The following ABTB3 variants were observed in gnomAD, a reference collection of about 807,000 sequenced individuals.
ABTB3 encodes ankyrin repeat and BTB domain containing 3.
chr12:107,369,338 C>T, the ABTB3 span, among the ~76,000 whole-genome samples: 1 of 151,412 alleles, frequency 6.6e-6, no homozygotes, highest in African/African-American at 2.4e-5. Flanking sequence ...AGAACCATTC[C>T]TTTCCCCATC....
chr12:107,640,614 AG>A, the ABTB3 span, among the ~76,000 whole-genome samples: 2 of 152,096 alleles, frequency 1.3e-5, no homozygotes, highest in African/African-American at 2.4e-5. Flanking sequence ...TAAAGGGGCC[AG>A]GGGGGCCGAG....
chr12:107,581,200 G>A, the ABTB3 span: 1 of 1,536,688 alleles, frequency 6.5e-7, no homozygotes, highest in Non-Finnish European at 8.7e-7. Context: ...GGGTGGCCGT[G>A]GCGCACGCCG....
chr12:107,408,163 T>A, the ABTB3 span, among the ~76,000 whole-genome samples: 1 of 152,120 alleles, frequency 6.6e-6, no homozygotes, highest in Non-Finnish European at 1.5e-5. Context: ...ATAGGCGTGC[T>A]CTGTGTGGCC....
the ABTB3 span, among the ~76,000 whole-genome samples, chr12:107,516,389 G>A: frequency 3.3e-5 from 5 of 151,898 alleles, no homozygotes; most frequent in South Asian, 1.0e-3. Flanking sequence ...CACCACCACA[G>A]CCAGCTAATT....
At chr12:107,514,641 A>C in the ABTB3 span, among the ~76,000 whole-genome samples, 1 of 152,172 alleles carries the variant, frequency 6.6e-6, no homozygotes, top group Non-Finnish European at 1.5e-5. Flanking sequence ...CTGACCAAGC[A>C]TATTTTTACA....
At chr12:107,637,081 A>G in the ABTB3 span, among the ~76,000 whole-genome samples, 2 of 152,158 alleles carry the variant, frequency 1.3e-5, no homozygotes, top group Admixed American at 1.3e-4. Flanking sequence ...TTGAGCATCT[A>G]CTATAATGGT....
the ABTB3 span, among the ~76,000 whole-genome samples, chr12:107,481,914 TC>T: frequency 7.0e-4 from 106 of 151,304 alleles, 1 homozygote; most frequent in African/African-American, 2.3e-3. Context: ...TCTCTCTCTC[TC>T]TCTCTCTCTC....
chr12:107,348,407 G>A, the ABTB3 span, among the ~76,000 whole-genome samples: 1 of 152,108 alleles, frequency 6.6e-6, no homozygotes, highest in African/African-American at 2.4e-5. Context: ...AGGTGCTGAG[G>A]ATGTGGTGGT....
At chr12:107,376,917 C>T in the ABTB3 span, among the ~76,000 whole-genome samples, 87 of 152,234 alleles carry the variant, frequency 5.7e-4, no homozygotes, top group Non-Finnish European at 1.2e-3. Flanking sequence ...AGCCCAGGCC[C>T]GTCTGAGTCC....
chr12:107,441,774 C>CAAAAAAAAAAAAAAAAAA, the ABTB3 span, among the ~76,000 whole-genome samples: 46 of 80,038 alleles, frequency 5.7e-4, 3 homozygotes, highest in African/African-American at 2.3e-3. Flanking sequence ...CTTGTCTCTA[C>CAAAAAAAAAAAAAAAAAA]AAAAAAAAAA....
chr12:107,571,090 G>T, the ABTB3 span, among the ~76,000 whole-genome samples: 1 of 152,186 alleles, frequency 6.6e-6, no homozygotes, highest in Non-Finnish European at 1.5e-5. Flanking sequence ...ATTATCAAAT[G>T]AGCTAACATC....
the ABTB3 span, among the ~76,000 whole-genome samples, chr12:107,380,624 A>G: frequency 1.3e-5 from 2 of 152,224 alleles, no homozygotes; most frequent in Non-Finnish European, 2.9e-5. Context: ...GAGTCATTTG[A>G]CAAATTATTT....
chr12:107,320,610 C>T, the ABTB3 span: 2 of 455,990 alleles, frequency 4.4e-6, no homozygotes, highest in African/African-American at 2.0e-5. Context: ...TGGTTGAAAG[C>T]TTGCACGGCC....
chr12:107,502,151 G>A, the ABTB3 span, among the ~76,000 whole-genome samples: 1 of 151,278 alleles, frequency 6.6e-6, no homozygotes, highest in Non-Finnish European at 1.5e-5. Context: ...TGCAACCTCT[G>A]CCTCCTGGGT....
chr12:107,623,899 G>T, the ABTB3 span, among the ~76,000 whole-genome samples: 1 of 152,162 alleles, frequency 6.6e-6, no homozygotes, highest in African/African-American at 2.4e-5. Context: ...GGCTGATGAG[G>T]TCTAACTTAG....
the ABTB3 span, among the ~76,000 whole-genome samples, chr12:107,436,959 C>T: frequency 5.9e-5 from 9 of 152,154 alleles, no homozygotes; most frequent in South Asian, 2.1e-4. Context: ...CATCCCCCCC[C>T]GCCGCACCTG....
At chr12:107,366,973 G>A in the ABTB3 span, among the ~76,000 whole-genome samples, 4 of 152,160 alleles carry the variant, frequency 2.6e-5, 1 homozygote, top group Admixed American at 2.6e-4. Flanking sequence ...ACTTGGCTGT[G>A]CCTGTTGGCC....
At chr12:107,636,448 C>T in the ABTB3 span, among the ~76,000 whole-genome samples, 2 of 152,110 alleles carry the variant, frequency 1.3e-5, no homozygotes, top group South Asian at 4.1e-4. Flanking sequence ...AATTGAAGGA[C>T]ATCTGAGTAA....
At chr12:107,589,274 G>A in the ABTB3 span, among the ~76,000 whole-genome samples, 2 of 152,214 alleles carry the variant, frequency 1.3e-5, no homozygotes, top group Non-Finnish European at 2.9e-5. Flanking sequence ...AAAAGAAGGG[G>A]AAATAAATAT....
Sources: allele counts gnomAD v4.1 joint callset (sites outside exome capture counted in the v4.1 genomes callset), GRCh38; gene constraint gnomAD v4.1.1; transcripts MANE v1.5; gene names NCBI Gene and HGNC (gene_info 2026-07-23, HGNC 2026-07-21).